Variants in LRRC8D observed in about 807,000 individuals in gnomAD.
LRRC8D encodes the protein leucine rich repeat containing 8 VRAC subunit D, also known as volume-regulated anion channel subunit LRRC8D.
Under a neutral mutation model 55.8 loss-of-function variants are expected in LRRC8D, and 20 were observed. The observed-to-expected ratio is 0.36, with a 90% confidence interval of 0.25 to 0.52. The LOEUF (loss-of-function observed/expected upper bound fraction) is 0.52. Among genes scored for constraint, LRRC8D ranks in the 20% least tolerant of loss-of-function variants. LRRC8D has a pLI of 0.93. For missense variants in LRRC8D, 651 were observed against 1,030.8 expected (o/e 0.63, Z 5.05); for synonymous variants, 352 against 377.0 (o/e 0.93, Z 0.77).
chr1:89,831,949 T>G (rs1660897284), intron 1 of LRRC8D, among the ~76,000 whole-genome samples: 1 of 152,208 alleles, frequency 6.6e-6, no homozygotes, highest in Non-Finnish European at 1.5e-5. Flanking sequence ...AAAAGACGGT[T>G]TGGAACACCA....
intron 2 of LRRC8D, among the ~76,000 whole-genome samples, chr1:89,855,594 G>GGT (rs1661533008): frequency 6.6e-6 from 1 of 152,048 alleles, no homozygotes; most frequent in Non-Finnish European, 1.5e-5. Context: ...GAAGAAACAG[G>GGT]GTGTAACAGT....
intron 2 of LRRC8D, among the ~76,000 whole-genome samples, chr1:89,866,344 G>T (rs972829340): frequency 1.3e-5 from 2 of 152,202 alleles, no homozygotes; most frequent in Admixed American, 1.3e-4. Context: ...ACACACTTGG[G>T]CATGGTATTG....
intron 1 of LRRC8D, among the ~76,000 whole-genome samples, chr1:89,831,865 T>TA (rs1178923743): frequency 6.6e-6 from 1 of 152,204 alleles, no homozygotes; most frequent in African/African-American, 2.4e-5. Context: ...CTGGCTATGT[T>TA]AGAGTACAAA....
At chr1:89,855,507 A>G (rs1359267751) in intron 2 of LRRC8D, among the ~76,000 whole-genome samples, 1 of 152,182 alleles carries the variant, frequency 6.6e-6, no homozygotes, top group Non-Finnish European at 1.5e-5. Flanking sequence ...GCTCATGCCG[A>G]TTTGAGAGAA....
rs545398678 is a variant in LRRC8D, at chr1:89,904,394, T to C, written c.-2-28673T>C. Among the ~76,000 whole-genome samples, 6 of 152,362 alleles carry C rather than the reference T, an allele frequency of 3.9e-5. No homozygotes were observed. In the East Asian group the frequency reaches 1.2e-3, roughly 29 times the overall value. On this transcript the variant is annotated intron_variant, in intron 2 of 2. Transcript: ENST00000337338. Reference sequence around the variant, plus strand: ...GTTTTTAGAGATATCAGCTGCCTGCTGGTCTGGTTCCTGGGCTGTGCCTTT... The same window carrying C: ...GTTTTTAGAGATATCAGCTGCCTGCCGGTCTGGTTCCTGGGCTGTGCCTTT...
intron 2 of LRRC8D, 78 bp downstream of exon 2, chr1:89,843,860 A>ATCTCCAGCTC: frequency 1.7e-6 from 1 of 576,416 alleles, no homozygotes; most frequent in South Asian, 2.0e-5. Context: ...TCGGATCTGC[A>ATCTCCAGCTC]TCTCCAGCTC....
intron 2 of LRRC8D, among the ~76,000 whole-genome samples, chr1:89,897,276 G>C (rs1662736657): frequency 6.6e-6 from 1 of 152,064 alleles, no homozygotes; most frequent in Admixed American, 6.6e-5. Flanking sequence ...CATTATACTT[G>C]GTGTATTCTG....
intron 2 of LRRC8D, among the ~76,000 whole-genome samples, chr1:89,855,382 A>G (rs1407954723): frequency 1.3e-5 from 2 of 152,232 alleles, no homozygotes; most frequent in Non-Finnish European, 1.5e-5. Flanking sequence ...TGTGGTTAGC[A>G]TTAAAAGGTG....
intron 2 of LRRC8D, among the ~76,000 whole-genome samples, chr1:89,867,161 C>A (rs1661872241): frequency 6.6e-6 from 1 of 152,186 alleles, no homozygotes; most frequent in African/African-American, 2.4e-5. Context: ...CAGTTAACAT[C>A]ATTCTCCATC....
chr1:89,889,416 C>G (rs1241101085), intron 2 of LRRC8D, among the ~76,000 whole-genome samples: 3 of 151,954 alleles, frequency 2.0e-5, no homozygotes, highest in Admixed American at 2.0e-4. Flanking sequence ...AGGTAAAGAC[C>G]AAGGAAATCT....
At chr1:89,922,154 C>G (rs1249480619) in intron 2 of LRRC8D, among the ~76,000 whole-genome samples, 2 of 152,076 alleles carry the variant, frequency 1.3e-5, no homozygotes, top group Non-Finnish European at 2.9e-5. Context: ...ACCTCCGCCT[C>G]TCAGGTTCAA....
chr1:89,827,076 C>T lies in LRRC8D; in HGVS notation c.-148+5785C>T, dbSNP rs144764994. On this transcript the variant is annotated intron_variant, in intron 1 of 2. Transcript: ENST00000337338. The stretch of plus-strand genomic sequence containing the variant: ...TCATCAAAAAGATTTTGGGGCTGGG[C>T]ATGGTGGCTCAGGCCTGTAATCCCA... 3.7e-3 allele frequency among the ~76,000 whole-genome samples: 564 copies of T among 152,200 alleles called. 1 individual carries two copies. The highest frequency in any genetic ancestry group is 0.013 in the African/African-American group (539 of 41,536).
At chr1:89,867,128 CA>C in intron 2 of LRRC8D, among the ~76,000 whole-genome samples, 1 of 152,156 alleles carries the variant, frequency 6.6e-6, no homozygotes, top group African/African-American at 2.4e-5. Context: ...AGCATTTTAT[CA>C]CCCGAAAAGA....
intron 1 of LRRC8D, among the ~76,000 whole-genome samples, chr1:89,832,832 A>G (rs1660918615): frequency 2.6e-5 from 4 of 152,246 alleles, no homozygotes; most frequent in Admixed American, 2.6e-4. Context: ...ATCCAGTCCT[A>G]GTGACGAATC....
chr1:89,857,382 C>CAAA (rs759975883), intron 2 of LRRC8D, among the ~76,000 whole-genome samples: 17 of 62,974 alleles, frequency 2.7e-4, no homozygotes, highest in Middle Eastern at 7.8e-3. Flanking sequence ...AACTCCATCT[C>CAAA]AAAAAAAAAA....
Position 89,934,652 on chromosome 1 carries a change from A to G in LRRC8D, c.1584A>G (p.Glu528=). Residue 528 remains glutamate, a synonymous_variant, in exon 3 of 3, where the codon GAA becomes GAG. Coordinates refer to ENST00000337338, the MANE Select transcript of LRRC8D (RefSeq NM_001134479.2). The surrounding 1 kb of genome is among the most constrained non-coding windows in gnomAD (Gnocchi z 5.9). ...LHLCHCPAKV[E]QTAFSFLRDH... is the part of the protein sequence containing the mutation. Reference sequence around the variant, plus strand: ...TCTGCCACTGCCCTGCAAAAGTTGAACAGACTGCTTTTAGCTTTCTTCGCG... The same window carrying G: ...TCTGCCACTGCCCTGCAAAAGTTGAGCAGACTGCTTTTAGCTTTCTTCGCG... The G allele has an allele frequency of 6.2e-7, 1 of 1,614,204 alleles. No individual in the cohort carries two copies. Among genetic ancestry groups the G allele is most frequent in the Non-Finnish European group, 8.5e-7 (1 of 1,180,050 alleles).
chr1:89,915,110 A>C (rs1663232396), intron 2 of LRRC8D, among the ~76,000 whole-genome samples: 1 of 152,018 alleles, frequency 6.6e-6, no homozygotes, highest in Non-Finnish European at 1.5e-5. Flanking sequence ...ACATTTGAAA[A>C]TGTAAATGAT....
intron 2 of LRRC8D, among the ~76,000 whole-genome samples, chr1:89,874,535 A>G (rs1261140126): frequency 1.3e-5 from 2 of 151,540 alleles, no homozygotes; most frequent in African/African-American, 4.8e-5. Flanking sequence ...GAAGTTTACT[A>G]TTACCCTTCA....
At chr1:89,883,735 T>A (rs1001610498) in intron 2 of LRRC8D, among the ~76,000 whole-genome samples, 1 of 152,184 alleles carries the variant, frequency 6.6e-6, no homozygotes, top group East Asian at 1.9e-4. Flanking sequence ...GTTGTTCAAG[T>A]GGTATAATTG....
Sources: allele counts gnomAD v4.1 joint callset (sites outside exome capture counted in the v4.1 genomes callset), GRCh38; gene constraint gnomAD v4.1.1; non-coding constraint Gnocchi (gnomAD v3.1); transcripts MANE v1.5; gene names NCBI Gene and HGNC (gene_info 2026-07-23, HGNC 2026-07-21).